WASHC2C: variants seen among roughly 807,000 people sequenced by gnomAD.
The protein encoded by WASHC2C is WASH complex subunit 2C.
A neutral mutation model predicts 142.2 loss-of-function variants in WASHC2C; 73 were observed. The ratio of observed to expected loss-of-function variants is 0.51; its 90% CI spans 0.43 to 0.62. WASHC2C has a LOEUF of 0.62. Among genes scored for constraint, WASHC2C ranks in the 20% least tolerant of loss-of-function variants. The pLI is 0.00. For missense variants in WASHC2C, 969 were observed against 1,531.7 expected (o/e 0.63, Z 6.13); for synonymous variants, 337 against 565.5 (o/e 0.60, Z 5.73).
chr10:45,787,044 G>A lies in WASHC2C; in HGVS notation c.2884G>A (p.Ala962Thr), dbSNP rs782398033. 99 of 1,608,872 alleles carry A rather than the reference G, an allele frequency of 6.2e-5. 1 individual carries two copies. The highest frequency in any genetic ancestry group is 2.2e-4 in the Middle Eastern group (1 of 4,450). The change falls in exon 28 of 31, where the codon GCG becomes ACG. Residue 962 changes from alanine (A) to threonine (T), a missense_variant. By Grantham distance (58) the Ala-to-Thr change is moderately conservative. Transcript: ENST00000623400. ...CATTTTTCTTCTTTAGGCAAATTTA[G>A]CGATCAACCCAGCGGCCTTGCTGCC... Reference protein sequence around the residue: ...TRIGKIQANLAINPAALLPTA... With the variant: ...TRIGKIQANLTINPAALLPTA...
intron 13 of WASHC2C, among the ~76,000 whole-genome samples, chr10:45,754,217 TC>T (rs113194951): frequency 0.053 from 8,076 of 152,092 alleles, 218 homozygotes; most frequent in African/African-American, 0.1. Context: ...TCCCTTGGTG[TC>T]CCCCAGCTGA....
At chr10:45,727,207 C>T, upstream of WASHC2C, 1 of 1,486,086 alleles carries the variant, frequency 6.7e-7, no homozygotes, top group South Asian at 1.3e-5. Flanking sequence ...GACATCAGGT[C>T]ACGTGAGGCC....
intron 10 of WASHC2C, 37 bp downstream of exon 10, chr10:45,750,875 A>C (rs537795238): frequency 2.0e-6 from 3 of 1,530,736 alleles, no homozygotes; most frequent in African/African-American, 1.4e-5. Context: ...GTAGGGGAGG[A>C]GTAGTGCAGG....
chr10:45,727,401 G>C lies in WASHC2C; in HGVS notation c.4-16G>C, dbSNP rs1380327679. 7 of 1,611,048 alleles carry C rather than the reference G, an allele frequency of 4.3e-6. No individual in the cohort carries two copies. In the Admixed American group the frequency reaches 8.3e-5, roughly 19 times the overall value. Reference sequence around the variant, plus strand: ...GCCCTCAGGCTCAGCCTCTCTTCTCGTTTTTTTCGCTGCAGATGAACCGGA... The same window carrying C: ...GCCCTCAGGCTCAGCCTCTCTTCTCCTTTTTTTCGCTGCAGATGAACCGGA... On this transcript the variant is annotated splice_polypyrimidine_tract_variant and intron_variant, in intron 1 of 30. Coordinates refer to ENST00000623400, the MANE Select transcript of WASHC2C (RefSeq NM_001330074.2).
chr10:45,784,024 T>C (rs2135670801), intron 23 of WASHC2C, among the ~76,000 whole-genome samples: 1 of 152,108 alleles, frequency 6.6e-6, no homozygotes, highest in African/African-American at 2.4e-5. Flanking sequence ...TTGACCACTC[T>C]GTGTAGTTTG....
At chr10:45,750,963 A>G (rs2053513801) in intron 10 of WASHC2C, 125 bp downstream of exon 10, 6 of 867,998 alleles carry the variant, frequency 6.9e-6, no homozygotes, top group Non-Finnish European at 1.1e-5. Context: ...TAATTGCTAC[A>G]TATAATTTAA....
chr10:45,752,249 C>A (rs1396053925), intron 11 of WASHC2C, among the ~76,000 whole-genome samples: 5 of 152,278 alleles, frequency 3.3e-5, no homozygotes, highest in Admixed American at 1.3e-4. Flanking sequence ...TCTGCCCTTC[C>A]TTCCCCCAGA....
chr10:45,789,934 G>A (rs1387317391), intron 29 of WASHC2C, among the ~76,000 whole-genome samples: 1 of 152,194 alleles, frequency 6.6e-6, no homozygotes, highest in Admixed American at 6.5e-5. Context: ...CTCAGCAGAT[G>A]TTTATTGAGC....
chr10:45,729,315 T>C (rs1366664090), intron 3 of WASHC2C, among the ~76,000 whole-genome samples: 1 of 152,258 alleles, frequency 6.6e-6, no homozygotes, highest in Non-Finnish European at 1.5e-5. Context: ...GCACTCACAC[T>C]GCCTTTGTTG....
chr10:45,785,773 A>C, intron 26 of WASHC2C, 142 bp downstream of exon 26: 2 of 1,473,002 alleles, frequency 1.4e-6, no homozygotes, highest in Non-Finnish European at 1.9e-6. Context: ...TCTTCACTGC[A>C]CTTCCCCCGA....
chr10:45,733,293 G>A (rs1233643300), intron 3 of WASHC2C, among the ~76,000 whole-genome samples: 1 of 152,264 alleles, frequency 6.6e-6, no homozygotes, highest in South Asian at 2.1e-4. Context: ...TATTTGAGGG[G>A]TCCAGCACAA....
At position 45,727,434 on chromosome 10, in the gene WASHC2C, C is replaced by T. The variant is rs371473474; in HGVS notation, c.21C>T (p.Pro7=). Residue 7 remains proline, a synonymous_variant, in exon 2 of 31, where the codon CCC becomes CCT. Transcript: ENST00000623400. The part of the protein sequence containing the change: MMNRTT[P]DQELVPASEP... ...CGCTGCAGATGAACCGGACGACCCC[C>T]GACCAGGAGCTGGTGCCGGCGTCGG... 3.1e-6 allele frequency: 5 copies of T among 1,611,338 alleles called. No individual in the cohort carries two copies. Among genetic ancestry groups the T allele is most frequent in the East Asian group, 2.2e-5 (1 of 44,828 alleles).
rs1396250874 is a variant in WASHC2C at position 45,753,091 on chromosome 10, G to A, written c.1123-89G>A. The A allele has an allele frequency of 5.4e-6, 5 of 932,512 alleles. 1 individual carries two copies. Among genetic ancestry groups the A allele is most frequent in the South Asian group, 1.6e-5 (1 of 62,006 alleles). 57.8% of individuals were successfully genotyped at this position (932,512 alleles called of 1,614,324 possible). A position where few individuals can be genotyped will look rare whatever the true frequency, so the allele number is the denominator to read the frequency against. Reference sequence around the variant, plus strand: ...TAGTAAATATGTAGCTTTAAATCTTGTAGGTTATTTTTCCTTAGGAATCCT... The same window carrying A: ...TAGTAAATATGTAGCTTTAAATCTTATAGGTTATTTTTCCTTAGGAATCCT... On this transcript the variant is annotated intron_variant, in intron 12 of 30. Transcript: ENST00000623400.
chr10:45,787,539 G>A (rs1197253993), intron 28 of WASHC2C, among the ~76,000 whole-genome samples: 1 of 150,114 alleles, frequency 6.7e-6, no homozygotes, highest in Non-Finnish European at 1.5e-5. Context: ...CCACCTGGGG[G>A]TCTTCTAACC....
chr10:45,775,830 C>G (rs2057028103), intron 21 of WASHC2C, among the ~76,000 whole-genome samples: 1 of 151,964 alleles, frequency 6.6e-6, no homozygotes, highest in Admixed American at 6.5e-5. Context: ...AGGCACCCAC[C>G]ACCATGCCCG....
chr10:45,733,502 A>T (rs1231548009), intron 3 of WASHC2C, among the ~76,000 whole-genome samples: 3 of 152,122 alleles, frequency 2.0e-5, no homozygotes, highest in African/African-American at 7.2e-5. Flanking sequence ...TAGCTATCTG[A>T]CTGTAAATTG....
rs551824336 is a variant in WASHC2C, at chr10:45,775,642, A to G, written c.2143-1631A>G. On this transcript the variant is annotated intron_variant, in intron 21 of 30. Coordinates refer to ENST00000623400, the MANE Select transcript of WASHC2C (RefSeq NM_001330074.2). ...GGAAGAATATGATTTGCCATACTTA[A>G]GTCTCTTTTTGTCTCCCCTATCAAC... Among the ~76,000 whole-genome samples, 13 of 151,438 alleles carry G rather than the reference A, an allele frequency of 8.6e-5. No homozygotes were observed. In the East Asian group the frequency reaches 2.5e-3, roughly 29 times the overall value.
At chr10:45,735,721 G>C (rs192937729) in intron 3 of WASHC2C, among the ~76,000 whole-genome samples, 1 of 152,188 alleles carries the variant, frequency 6.6e-6, no homozygotes, top group East Asian at 1.9e-4. Flanking sequence ...ATTTCAAGAA[G>C]TAGAATTTTG....
chr10:45,770,843 A>G (rs2056509372), intron 20 of WASHC2C, among the ~76,000 whole-genome samples: 1 of 152,214 alleles, frequency 6.6e-6, no homozygotes, highest in African/African-American at 2.4e-5. Flanking sequence ...TTTGTTAAAC[A>G]AAAATAAAAA....
Sources: gnomAD v4.1 joint callset for allele counts (sites outside exome capture counted in the v4.1 genomes callset) on GRCh38, gnomAD v4.1.1 for gene constraint, MANE v1.5 for transcripts, NCBI Gene and HGNC (gene_info 2026-07-23, HGNC 2026-07-21) for gene names.